Variants in DPYD observed in about 807,000 individuals in gnomAD.
The protein encoded by DPYD is dihydropyrimidine dehydrogenase, also known as dihydropyrimidine dehydrogenase [NADP(+)].
In DPYD, 109 loss-of-function variants were observed where a neutral mutation model predicts 116.2. The ratio of observed to expected loss-of-function variants is 0.94; its 90% CI spans 0.80 to 1.10. DPYD has a LOEUF of 1.10. Ranked by LOEUF, DPYD falls within the 50% of genes least tolerant of loss-of-function variation. The probability of loss-of-function intolerance (pLI) is 0.00; values close to 1 mark genes in which losing one functional copy is unlikely to be tolerated. For missense variants in DPYD, 1,302 were observed against 1,254.5 expected, an observed-to-expected ratio of 1.04 and a Z score of -0.57; for synonymous variants, 440 against 432.0, an observed-to-expected ratio of 1.02 and a Z score of -0.23.
chr1:97,373,113 AAC>A (rs1671390632), intron 16 of DPYD, among the ~76,000 whole-genome samples: 1 of 152,212 alleles, frequency 6.6e-6, no homozygotes, highest in Non-Finnish European at 1.5e-5. Flanking sequence ...CAACTCCCCA[AAC>A]ACAGTTAGTG....
intron 16 of DPYD, among the ~76,000 whole-genome samples, chr1:97,350,548 TAA>T (rs1294638894): frequency 6.6e-6 from 1 of 152,142 alleles, no homozygotes; most frequent in Non-Finnish European, 1.5e-5. Context: ...GTCAGTGAAA[TAA>T]ATTAACTGAT....
chr1:97,132,632 A>T lies in DPYD; in HGVS notation c.2623-34000T>A, dbSNP rs964338692. On this transcript the variant is annotated intron_variant, in intron 20 of 22. Transcript: ENST00000370192. ...TATCATTCTTATAGGTCCTTCTTCC[A>T]TCTTTTTCATGTGCAAATCATCAAG... Among the ~76,000 whole-genome samples the T allele has an allele frequency of 4.6e-5, 7 of 152,286 alleles. No individual in the cohort carries two copies. The East Asian group carries it at 9.7e-4, about 21-fold the overall frequency.
At chr1:97,084,689 T>A (rs896707575) in intron 21 of DPYD, among the ~76,000 whole-genome samples, 17 of 152,278 alleles carry the variant, frequency 1.1e-4, no homozygotes, top group African/African-American at 3.8e-4. Flanking sequence ...GAAGCAGGGA[T>A]TGAGAACCAG....
intron 19 of DPYD, among the ~76,000 whole-genome samples, chr1:97,207,230 G>A (rs949694260): frequency 2.7e-4 from 41 of 151,988 alleles, no homozygotes; most frequent in African/African-American, 8.5e-4. Context: ...CCAATTATAC[G>A]AATATATCAT....
chr1:97,532,323 G>A (rs528471711), intron 12 of DPYD, among the ~76,000 whole-genome samples: 1 of 152,198 alleles, frequency 6.6e-6, no homozygotes, highest in South Asian at 2.1e-4. Flanking sequence ...ATTCATCAGG[G>A]ATATTGGCCT....
intron 8 of DPYD, among the ~76,000 whole-genome samples, chr1:97,611,277 C>T (rs77235815): frequency 0.048 from 7,353 of 152,008 alleles, 247 homozygotes; most frequent in South Asian, 0.089. Context: ...TTTACTATCA[C>T]GAGAACAACA....
intron 2 of DPYD, among the ~76,000 whole-genome samples, chr1:97,844,975 G>A (rs1670220157): frequency 6.6e-6 from 1 of 152,224 alleles, no homozygotes; most frequent in South Asian, 2.1e-4. Context: ...CAGGCCAGCT[G>A]TCTCTCACCT....
chr1:97,648,250 C>T (rs1557859965), intron 8 of DPYD, among the ~76,000 whole-genome samples: 1 of 152,006 alleles, frequency 6.6e-6, no homozygotes, highest in Non-Finnish European at 1.5e-5. Context: ...TCATCTAGAA[C>T]ATCTAACCTT....
At chr1:97,723,253 G>T (rs1418032563) in intron 4 of DPYD, among the ~76,000 whole-genome samples, 1 of 151,532 alleles carries the variant, frequency 6.6e-6, no homozygotes, top group African/African-American at 2.4e-5. Flanking sequence ...TTCTGAATAT[G>T]CAGTAAGAAT....
chr1:97,409,341 G>C (rs768786878), intron 14 of DPYD, among the ~76,000 whole-genome samples: 6 of 152,094 alleles, frequency 3.9e-5, no homozygotes, highest in South Asian at 2.1e-4. Flanking sequence ...GTGGGTACAA[G>C]AGTGGTACTG....
chr1:97,473,130 C>T (rs889727876), intron 13 of DPYD, among the ~76,000 whole-genome samples: 1 of 152,152 alleles, frequency 6.6e-6, no homozygotes, highest in African/African-American at 2.4e-5. Flanking sequence ...TTCCAACCTG[C>T]TTCCCAAAAT....
chr1:97,294,049 CTT>C (rs1161237999), intron 18 of DPYD, among the ~76,000 whole-genome samples: 1 of 152,038 alleles, frequency 6.6e-6, no homozygotes, highest in Non-Finnish European at 1.5e-5. Flanking sequence ...GTCCCTGAAA[CTT>C]TCATAAATTC....
chr1:97,389,921 T>C (rs760799713), intron 14 of DPYD, among the ~76,000 whole-genome samples: 3 of 151,352 alleles, frequency 2.0e-5, no homozygotes, highest in Non-Finnish European at 4.4e-5. Context: ...AAATTTTAAA[T>C]AAAAGAATCA....
At chr1:97,742,280 TC>T (rs1262412196) in intron 3 of DPYD, among the ~76,000 whole-genome samples, 1 of 152,104 alleles carries the variant, frequency 6.6e-6, no homozygotes, top group African/African-American at 2.4e-5. Context: ...AGTCTCCTTG[TC>T]ATTCTTTTGT....
chr1:97,510,421 T>C (rs554144872), intron 13 of DPYD, among the ~76,000 whole-genome samples: 1 of 152,104 alleles, frequency 6.6e-6, no homozygotes, highest in South Asian at 2.1e-4. Context: ...ATAGAAAACA[T>C]GTCTTTCTAT....
rs1220182803 is a variant in DPYD, at chr1:97,551,950, G to A, written c.1340-2206C>T. Among the ~76,000 whole-genome samples the A allele has an allele frequency of 2.0e-5, 3 of 152,022 alleles. No homozygotes were observed. In the East Asian group the frequency reaches 5.8e-4, roughly 29 times the overall value. ...TTAGATATACCATAAGTAATCCAAA[G>A]ATGATTTAAAGTATATGGAAGGATA... On this transcript the variant is annotated intron_variant, in intron 11 of 22. Coordinates refer to ENST00000370192, the MANE Select transcript of DPYD (RefSeq NM_000110.4).
At chr1:97,778,560 CCAAAGT>C (rs1666554920) in intron 3 of DPYD, among the ~76,000 whole-genome samples, 1 of 152,030 alleles carries the variant, frequency 6.6e-6, no homozygotes, top group Non-Finnish European at 1.5e-5. Context: ...TTCAATGCTA[CCAAAGT>C]CAAAGTTATA....
intron 21 of DPYD, among the ~76,000 whole-genome samples, chr1:97,086,470 T>G (rs905717876): frequency 1.3e-5 from 2 of 152,154 alleles, no homozygotes; most frequent in African/African-American, 4.8e-5. Flanking sequence ...TCTGAATTTA[T>G]TACGACTAAT....
At chr1:97,368,021 C>G (rs1439776676) in intron 16 of DPYD, among the ~76,000 whole-genome samples, 1 of 152,034 alleles carries the variant, frequency 6.6e-6, no homozygotes, top group African/African-American at 2.4e-5. Flanking sequence ...ATTAGAATGT[C>G]ATTTGAAATA....
Sources: allele counts gnomAD v4.1 joint callset (sites outside exome capture counted in the v4.1 genomes callset), GRCh38; gene constraint gnomAD v4.1.1; transcripts MANE v1.5; gene names NCBI Gene and HGNC (gene_info 2026-07-23, HGNC 2026-07-21).